The following LARGE1 variants were observed in gnomAD, a reference collection of about 807,000 sequenced individuals.
LARGE1 encodes the protein xylosyl- and glucuronyltransferase LARGE1.
In LARGE1, 43 loss-of-function variants were observed where a neutral mutation model predicts 87.6. The observed-to-expected ratio is 0.49, with a 90% confidence interval of 0.38 to 0.63. The LOEUF (loss-of-function observed/expected upper bound fraction) is 0.63. Among genes scored for constraint, LARGE1 ranks in the 30% least tolerant of loss-of-function variants. LARGE1 has a pLI of 0.00. For missense variants in LARGE1, 802 were observed against 1,000.2 expected (o/e 0.80, Z 2.67); for synonymous variants, 434 against 394.6 (o/e 1.10, Z -1.18).
intron 11 of LARGE1, among the ~76,000 whole-genome samples, chr22:33,223,429 G>T (rs1203470487): frequency 6.6e-6 from 1 of 152,176 alleles, no homozygotes; most frequent in Non-Finnish European, 1.5e-5. Flanking sequence ...ACTAGAAAAT[G>T]GTTATAGTAG....
chr22:33,077,948 T>A, the LARGE1 span, among the ~76,000 whole-genome samples: 47 of 152,344 alleles, frequency 3.1e-4, no homozygotes, highest in African/African-American at 1.1e-3. Flanking sequence ...GTTTCCTTTT[T>A]TTTTTCAAAA....
chr22:33,171,667 C>T (rs1248934651), intron 11 of LARGE1, among the ~76,000 whole-genome samples: 2 of 152,168 alleles, frequency 1.3e-5, no homozygotes, highest in Non-Finnish European at 2.9e-5. Context: ...TGGTGATAGG[C>T]CTGAGAGTGC....
intron 1 of LARGE1, among the ~76,000 whole-genome samples, chr22:33,910,465 C>A (rs1309824588): frequency 2.0e-5 from 3 of 152,196 alleles, no homozygotes; most frequent in Admixed American, 2.0e-4. Flanking sequence ...AGACCCAAAT[C>A]TAATATTCTC....
chr22:33,356,637 G>A (rs909692801), intron 9 of LARGE1, among the ~76,000 whole-genome samples: 2 of 152,198 alleles, frequency 1.3e-5, no homozygotes, highest in South Asian at 4.1e-4. Context: ...CAGCATGGTG[G>A]TGTGTGCCAG....
intron 1 of LARGE1, among the ~76,000 whole-genome samples, chr22:33,780,983 AGCGCACAAAGCTGCCCC>A (rs1484811679): frequency 6.6e-6 from 1 of 152,256 alleles, no homozygotes; most frequent in African/African-American, 2.4e-5. Context: ...TAACTGCGAT[AGCGCACAAAGCTGCCCC>A]GCCTTAGAAG....
At chr22:33,673,034 G>A (rs1458547906) in intron 2 of LARGE1, among the ~76,000 whole-genome samples, 1 of 152,102 alleles carries the variant, frequency 6.6e-6, no homozygotes, top group Admixed American at 6.5e-5. Flanking sequence ...CAGCACTTTG[G>A]GAGGCTGAGG....
chr22:33,727,545 C>T (rs1489777829), intron 2 of LARGE1: 3 of 152,182 alleles, frequency 2.0e-5, no homozygotes, highest in Admixed American at 2.0e-4. Context: ...CTTACTAGAG[C>T]CCTGTGGCTT....
At chr22:33,774,498 A>G (rs995977493) in intron 1 of LARGE1, among the ~76,000 whole-genome samples, 1 of 152,098 alleles carries the variant, frequency 6.6e-6, no homozygotes, top group Non-Finnish European at 1.5e-5. Flanking sequence ...CTGGGATTAC[A>G]GGCACGTGCC....
intron 5 of LARGE1, among the ~76,000 whole-genome samples, chr22:33,601,780 G>A (rs901729470): frequency 2.6e-5 from 4 of 152,062 alleles, no homozygotes; most frequent in African/African-American, 7.2e-5. Context: ...TCTTTTGAAC[G>A]TATCAGATTG....
chr22:33,516,790 T>C (rs1342647412), intron 6 of LARGE1, among the ~76,000 whole-genome samples: 1 of 152,074 alleles, frequency 6.6e-6, no homozygotes, highest in African/African-American at 2.4e-5. Context: ...CTCACCATGT[T>C]GGCCAGGATG....
intron 1 of LARGE1, among the ~76,000 whole-genome samples, chr22:33,882,045 G>GTTGT (rs2064705426): frequency 7.6e-6 from 1 of 130,868 alleles, no homozygotes; most frequent in Non-Finnish European, 1.6e-5. Flanking sequence ...GTTTTTTTTT[G>GTTGT]TTTTTTTTTT....
chr22:33,477,811 T>C (rs1051312754), intron 6 of LARGE1, among the ~76,000 whole-genome samples: 2 of 152,186 alleles, frequency 1.3e-5, no homozygotes, highest in Non-Finnish European at 1.5e-5. Flanking sequence ...GCAAATTCCA[T>C]TTCATTGCAG....
intron 11 of LARGE1, among the ~76,000 whole-genome samples, chr22:33,219,036 C>T (rs1321205752): frequency 2.0e-5 from 3 of 152,094 alleles, no homozygotes; most frequent in South Asian, 2.1e-4. Context: ...AGGAGCCCAC[C>T]GTAAAGAAAG....
intron 1 of LARGE1, among the ~76,000 whole-genome samples, chr22:33,827,676 G>A (rs76054156): frequency 0.021 from 3,165 of 152,252 alleles, 120 homozygotes; most frequent in African/African-American, 0.073. Flanking sequence ...TGTTCTTTTC[G>A]AAGAAAAAGC....
At chr22:33,236,945 T>C (rs909195575) in intron 11 of LARGE1, among the ~76,000 whole-genome samples, 2 of 152,238 alleles carry the variant, frequency 1.3e-5, no homozygotes, top group African/African-American at 4.8e-5. Flanking sequence ...ATTGAATCGC[T>C]GGCATCTCAT....
chr22:33,513,730 G>C (rs1051049426), intron 6 of LARGE1, among the ~76,000 whole-genome samples: 2 of 151,282 alleles, frequency 1.3e-5, no homozygotes, highest in African/African-American at 4.8e-5. Flanking sequence ...ATGTGAAAAA[G>C]CAGCATCTCT....
At chr22:33,277,346 G>T in intron 13 of LARGE1, 91 bp from the exon 14 acceptor site, 1 of 1,219,974 alleles carries the variant, frequency 8.2e-7, no homozygotes, top group Non-Finnish European at 1.2e-6. Context: ...GGTGTACACT[G>T]ATGTAGTCCT....
intron 11 of LARGE1, among the ~76,000 whole-genome samples, chr22:33,239,946 C>T (rs772288332): frequency 2.6e-5 from 4 of 152,076 alleles, no homozygotes; most frequent in African/African-American, 4.8e-5. Context: ...TATCTCCTGA[C>T]GTGGGAGAAT....
At chr22:33,457,594 TAA>T (rs2068191107) in intron 6 of LARGE1, among the ~76,000 whole-genome samples, 1 of 151,956 alleles carries the variant, frequency 6.6e-6, no homozygotes. Context: ...TGTATATGCC[TAA>T]GAGACATAAG....
Sources: gnomAD v4.1 joint callset for allele counts (sites outside exome capture counted in the v4.1 genomes callset) on GRCh38, gnomAD v4.1.1 for gene constraint, MANE v1.5 for transcripts, NCBI Gene and HGNC (gene_info 2026-07-23, HGNC 2026-07-21) for gene names.